The following WNK2 variants were observed in gnomAD, a reference collection of about 807,000 sequenced individuals.
WNK2 encodes serine/threonine-protein kinase WNK2.
Under a neutral mutation model 192.1 loss-of-function variants are expected in WNK2, and 67 were observed. That is an observed-to-expected ratio of 0.35 (90% CI 0.29 to 0.43). The LOEUF (loss-of-function observed/expected upper bound fraction) is 0.43. Ranked by LOEUF, WNK2 falls within the 20% of genes least tolerant of loss-of-function variation. The pLI, the probability that WNK2 is intolerant of heterozygous loss-of-function variation, is 1.00. For missense variants in WNK2, 2,698 were observed against 3,089.7 expected (o/e 0.87, Z 3.01); for synonymous variants, 1,439 against 1,393.9 (o/e 1.03, Z -0.72).
chr9:93,241,920 C>T (rs1433357675), intron 7 of WNK2, among the ~76,000 whole-genome samples: 1 of 152,072 alleles, frequency 6.6e-6, no homozygotes, highest in Non-Finnish European at 1.5e-5. Context: ...CTGGGGCTGG[C>T]TGTGTGGCTG....
At chr9:93,209,901 G>C (rs1834178451) in intron 2 of WNK2, among the ~76,000 whole-genome samples, 2 of 152,212 alleles carry the variant, frequency 1.3e-5, no homozygotes, top group Non-Finnish European at 2.9e-5. Context: ...TGGGGGATTG[G>C]TGGGACACCC....
intron 10 of WNK2, 56 bp from the exon 11 acceptor site, chr9:93,256,892 G>T: frequency 1.4e-6 from 2 of 1,465,526 alleles, no homozygotes; most frequent in Non-Finnish European, 1.8e-6. Context: ...AACCAGTGGG[G>T]TGCGCTTGTC....
chr9:93,287,399 C>T (rs1207220331), intron 19 of WNK2, among the ~76,000 whole-genome samples: 1 of 152,192 alleles, frequency 6.6e-6, no homozygotes, highest in Non-Finnish European at 1.5e-5. Context: ...TCCCACCCAG[C>T]CACAGCCCAG....
chr9:93,216,339 T>C (rs1835737601), intron 2 of WNK2, among the ~76,000 whole-genome samples: 1 of 152,094 alleles, frequency 6.6e-6, no homozygotes, highest in Non-Finnish European at 1.5e-5. Context: ...GCAGTCACTT[T>C]AAAAGTATAA....
rs1852722471 is a variant in WNK2 at position 93,307,092 on chromosome 9, A to G, written c.6259+271A>G. 1.5e-5 allele frequency: 8 copies of G among 520,718 alleles called. No individual in the cohort carries two copies. The South Asian group carries it at 1.8e-4, about 12-fold the overall frequency. 32.3% of individuals were successfully genotyped at this position (520,718 alleles called of 1,614,324 possible). A position where few individuals can be genotyped will look rare whatever the true frequency, so the allele number is the denominator to read the frequency against. ...TTATCCTTCCCCGGAACACCCGCAAATTGCCGATCATTAATTGGCTCCTTT... is the reference window on the plus strand; with the variant it reads ...TTATCCTTCCCCGGAACACCCGCAAGTTGCCGATCATTAATTGGCTCCTTT... On this transcript the variant is annotated intron_variant, in intron 27 of 29. Coordinates refer to ENST00000427277, the MANE Select transcript of WNK2 (RefSeq NM_006648.4).
intron 2 of WNK2, among the ~76,000 whole-genome samples, chr9:93,191,888 A>G (rs1244866547): frequency 6.6e-6 from 1 of 151,706 alleles, no homozygotes; most frequent in Non-Finnish European, 1.5e-5. Context: ...TTAGCCAAGT[A>G]TGGTGGCGGG....
chr9:93,193,830 CATTAA>C (rs1830766880), intron 2 of WNK2, among the ~76,000 whole-genome samples: 1 of 152,104 alleles, frequency 6.6e-6, no homozygotes, highest in African/African-American at 2.4e-5. Flanking sequence ...AATTGGCTCT[CATTAA>C]ATTATATTAA....
At position 93,317,564 on chromosome 9, in the gene WNK2, A is replaced by G. The variant is rs1401631987; in HGVS notation, c.6561A>G (p.Pro2187=). Residue 2187 remains proline (P), a synonymous_variant, in exon 29 of 30, where the codon CCA becomes CCG. Transcript: ENST00000427277. ...RAGVGMPRLP[P]APGPLSTTVI... is the part of the protein sequence containing the mutation. ...GAGTGGGGATGCCACGTCTGCCCCCAGCGCCCGGCCCTCTGTCCACCACGG... is the reference window on the plus strand; with the variant it reads ...GAGTGGGGATGCCACGTCTGCCCCCGGCGCCCGGCCCTCTGTCCACCACGG... The G allele has an allele frequency of 6.2e-7, 1 of 1,613,352 alleles. No homozygotes were observed. The highest frequency in any genetic ancestry group is 8.5e-7 in the Non-Finnish European group (1 of 1,179,880).
chr9:93,288,717 T>C (rs919582772), intron 19 of WNK2, 71 bp from the exon 20 acceptor site: 1 of 1,440,592 alleles, frequency 6.9e-7, no homozygotes, highest in Admixed American at 2.4e-5. Flanking sequence ...GGCATCTTTT[T>C]AGCCAAGGAA....
intron 2 of WNK2, among the ~76,000 whole-genome samples, chr9:93,214,340 G>A (rs1174931549): frequency 2.6e-5 from 4 of 151,882 alleles, no homozygotes; most frequent in African/African-American, 9.7e-5. Context: ...GTCTTGCTCT[G>A]TGGCCCAGGC....
intron 2 of WNK2, among the ~76,000 whole-genome samples, chr9:93,213,815 A>C (rs1056064194): frequency 9.2e-5 from 14 of 152,186 alleles, no homozygotes; most frequent in African/African-American, 3.4e-4. Flanking sequence ...CAAAACAAAA[A>C]GTTAGTGGTT....
chr9:93,318,112 A>G, intron 29 of WNK2: 1 of 1,564,320 alleles, frequency 6.4e-7, no homozygotes, highest in Non-Finnish European at 8.7e-7. Flanking sequence ...CTGCAGAAGT[A>G]CAGTGCCTTG....
intron 7 of WNK2, among the ~76,000 whole-genome samples, chr9:93,244,548 G>C (rs1375207733): frequency 6.6e-6 from 1 of 152,262 alleles, no homozygotes; most frequent in East Asian, 1.9e-4. Context: ...GCTGCGGGCT[G>C]TGGCGCCAGC....
chr9:93,190,313 G>A (rs1296628695), intron 2 of WNK2, among the ~76,000 whole-genome samples: 2 of 152,216 alleles, frequency 1.3e-5, no homozygotes, highest in African/African-American at 4.8e-5. Flanking sequence ...AGCCTGTGCA[G>A]GTCACCGTCA....
intron 18 of WNK2, 45 bp downstream of exon 18, chr9:93,268,110 G>T (rs10761205): frequency 0.32 from 496,123 of 1,572,316 alleles, 81,039 homozygotes; most frequent in South Asian, 0.5. Context: ...GGCGTTTGAT[G>T]AAAGTCCCCA....
In WNK2 at chr9:93,289,194, T is replaced by G; in HGVS notation, c.4440T>G (p.Pro1480=). ...APREPLPPPA[P]EPSPHSGTPQ... is the part of the protein sequence containing the mutation. ...GGGAGCCCCTGCCACCTCCTGCACCTGAGCCCAGCCCCCACAGCGGGACCC... is the reference window on the plus strand; with the variant it reads ...GGGAGCCCCTGCCACCTCCTGCACCGGAGCCCAGCCCCCACAGCGGGACCC... The change falls in exon 20 of 30, where the codon CCT becomes CCG. Residue 1480 remains proline, a synonymous_variant. Transcript: ENST00000427277. 6.2e-7 allele frequency: 1 copy of G among 1,602,114 alleles called. No homozygotes were observed. The highest frequency in any genetic ancestry group is 8.5e-7 in the Non-Finnish European group (1 of 1,176,734).
In WNK2 at chr9:93,259,639, C is replaced by T. The variant is rs778194479; in HGVS notation, c.3066+25C>T. On this transcript the variant is annotated intron_variant, in intron 12 of 29. Coordinates refer to ENST00000427277, the MANE Select transcript of WNK2 (RefSeq NM_006648.4). This position sits in a 1 kb window ranked among gnomAD's most constrained non-coding sequence, Gnocchi z 4.8. ...GGTAATCACCTGCTGGGCAGGGGCTCACCCTCCCAGCGTCTGGGGACCCTC... is the reference window on the plus strand; with the variant it reads ...GGTAATCACCTGCTGGGCAGGGGCTTACCCTCCCAGCGTCTGGGGACCCTC... 15 of 1,532,200 alleles carry T rather than the reference C, an allele frequency of 9.8e-6. No individual in the cohort carries two copies. The highest frequency in any genetic ancestry group is 7.9e-5 in the Admixed American group (4 of 50,732). 94.9% of individuals were successfully genotyped at this position (1,532,200 alleles called of 1,614,324 possible). A position where few individuals can be genotyped will look rare whatever the true frequency, so the allele number is the denominator to read the frequency against.
intron 2 of WNK2, among the ~76,000 whole-genome samples, chr9:93,208,710 T>C (rs1027453727): frequency 4.4e-3 from 1 of 228 alleles, no homozygotes; most frequent in Non-Finnish European, 8.6e-3. Flanking sequence ...CTGCGTGTTC[T>C]GTGTATGCTC....
In WNK2 at chr9:93,314,020, C is replaced by T. The variant is rs62574760; in HGVS notation, c.6517-3500C>T. ...GTGCAGTGGCTCACGCTTGTAATCC[C>T]AGCACTTTGGGAGGCTGAGGCGGGT... On this transcript the variant is annotated intron_variant, in intron 28 of 29. Coordinates refer to ENST00000427277, the MANE Select transcript of WNK2 (RefSeq NM_006648.4). 5.3e-5 allele frequency among the ~76,000 whole-genome samples: 8 copies of T among 151,924 alleles called. No homozygotes were observed. In the East Asian group the frequency reaches 1.5e-3, roughly 29 times the overall value.
Sources: allele counts gnomAD v4.1 joint callset (sites outside exome capture counted in the v4.1 genomes callset), GRCh38; gene constraint gnomAD v4.1.1; non-coding constraint Gnocchi (gnomAD v3.1); transcripts MANE v1.5; gene names NCBI Gene and HGNC (gene_info 2026-07-23, HGNC 2026-07-21).